Variants in VIPR2 observed in about 807,000 individuals in gnomAD.
VIPR2 encodes vasoactive intestinal peptide receptor 2.
VIPR2 carries 48 observed loss-of-function variants against 58.0 expected under a neutral mutation model. The ratio of observed to expected loss-of-function variants is 0.83; its 90% CI spans 0.66 to 1.05. The LOEUF (loss-of-function observed/expected upper bound fraction) is 1.05, where lower values mean the gene tolerates loss of function less well. VIPR2 is among the 50% of genes least tolerant of loss of function. The pLI is 0.00. For synonymous variants in VIPR2, 243 were observed against 235.2 expected, an observed-to-expected ratio of 1.03 and a Z score of -0.30; for missense variants, 534 against 558.0, an observed-to-expected ratio of 0.96 and a Z score of 0.43.
At chr7:159,144,525 C>G in intron 1 of VIPR2, 196 bp downstream of exon 1, 1 of 1,518,390 alleles carries the variant, frequency 6.6e-7, no homozygotes, top group Non-Finnish European at 8.9e-7. Flanking sequence ...TCCCGCAACC[C>G]GGCGGGACCG....
intron 6 of VIPR2, among the ~76,000 whole-genome samples, chr7:159,038,454 G>T (rs1237842553): frequency 6.6e-6 from 1 of 152,086 alleles, no homozygotes; most frequent in African/African-American, 2.4e-5. Flanking sequence ...TTCTGCCCTG[G>T]GCATCAGGAC....
chr7:159,072,141 A>G (rs188639127), intron 4 of VIPR2, among the ~76,000 whole-genome samples: 1 of 148,074 alleles, frequency 6.8e-6, no homozygotes, highest in East Asian at 2.0e-4. Flanking sequence ...ATACATCACT[A>G]GACTGGCAAC....
rs1853478680 is a variant in VIPR2 at position 159,030,560 on chromosome 7, C to G, written c.*56G>C. 2 of 1,472,764 alleles carry G rather than the reference C, an allele frequency of 1.4e-6. No individual in the cohort carries two copies. 91.2% of individuals were successfully genotyped at this position (1,472,764 alleles called of 1,614,324 possible). A position where few individuals can be genotyped will look rare whatever the true frequency, so the allele number is the denominator to read the frequency against. ...GGAAGGAGGAAGCCGGCGTCTCAGC[C>G]CCGCAGAAGCCCCGAACCGTGGGCC... On this transcript the variant is annotated 3_prime_UTR_variant, in exon 13 of 13. Transcript: ENST00000262178.
At chr7:159,129,140 G>GGGGGGGACAGGGCT (rs1419750432) in intron 2 of VIPR2, among the ~76,000 whole-genome samples, 7 of 103,058 alleles carry the variant, frequency 6.8e-5, no homozygotes, top group South Asian at 2.9e-4. Flanking sequence ...ACTGGCCTCT[G>GGGGGGGACAGGGCT]GGGGGGACAG....
At chr7:159,038,348 C>A (rs868743091) in intron 6 of VIPR2, among the ~76,000 whole-genome samples, 2 of 152,234 alleles carry the variant, frequency 1.3e-5, no homozygotes, top group African/African-American at 4.8e-5. Context: ...TGAGAGTTAC[C>A]CTTATTGTCC....
chr7:159,084,173 A>G (rs1443567072), intron 4 of VIPR2, among the ~76,000 whole-genome samples: 1 of 152,276 alleles, frequency 6.6e-6, no homozygotes, highest in Non-Finnish European at 1.5e-5. Context: ...TCCGGTCCTT[A>G]GTAAACAAGA....
In VIPR2 at chr7:159,063,236, G is replaced by T. The variant is rs931843895; in HGVS notation, c.358-4658C>A. 6.1e-5 allele frequency among the ~76,000 whole-genome samples: 9 copies of T among 146,398 alleles called. No homozygotes were observed. In the South Asian group the frequency reaches 1.2e-3, roughly 20 times the overall value. The stretch of plus-strand genomic sequence containing the variant: ...ACGGTGCAGGAGTCCACGGCGGGGT[G>T]GGGGGAGACTCGGGCATGGTGGGCT... On this transcript the variant is annotated intron_variant, in intron 4 of 12. Transcript: ENST00000262178.
intron 2 of VIPR2, among the ~76,000 whole-genome samples, chr7:159,110,132 A>G (rs750033045): frequency 2.0e-5 from 3 of 152,232 alleles, no homozygotes; most frequent in East Asian, 1.9e-4. Context: ...GAGTACTTCA[A>G]TGTATACCAT....
At chr7:159,087,774 A>G (rs932284232) in intron 4 of VIPR2, among the ~76,000 whole-genome samples, 6 of 131,054 alleles carry the variant, frequency 4.6e-5, no homozygotes, top group African/African-American at 9.4e-5. Flanking sequence ...TTCCCCAACA[A>G]ACAATACCCA....
intron 5 of VIPR2, among the ~76,000 whole-genome samples, chr7:159,054,136 C>T (rs768164549): frequency 3.3e-5 from 5 of 152,210 alleles, no homozygotes; most frequent in Non-Finnish European, 7.3e-5. Context: ...CCTGTACCCG[C>T]TCCCGGACAA....
chr7:159,060,669 A>T (rs1310770762), intron 4 of VIPR2, among the ~76,000 whole-genome samples: 1 of 150,430 alleles, frequency 6.6e-6, no homozygotes, highest in African/African-American at 2.5e-5. Flanking sequence ...ACCCATCTTC[A>T]CCTCACCTAA....
chr7:159,085,676 G>A (rs1857130658), intron 4 of VIPR2, among the ~76,000 whole-genome samples: 4 of 152,072 alleles, frequency 2.6e-5, no homozygotes, highest in African/African-American at 9.7e-5. Context: ...ACTGGAGGAA[G>A]TCTCCCACCA....
At chr7:159,109,041 C>A (rs928312371) in intron 3 of VIPR2, among the ~76,000 whole-genome samples, 1 of 152,186 alleles carries the variant, frequency 6.6e-6, no homozygotes, top group African/African-American at 2.4e-5. Context: ...AACACTACAG[C>A]ATTATTACTT....
rs428298 is a variant in VIPR2, at chr7:159,134,811, C to T, written c.151+7635G>A. Among the ~76,000 whole-genome samples the T allele has an allele frequency of 3.2e-3, 493 of 151,790 alleles. 2 individuals carry two copies. The highest frequency in any genetic ancestry group is 5.5e-3 in the Non-Finnish European group (371 of 67,920). Reference sequence around the variant, plus strand: ...TAGCTGGGACTAGAGGCGCCCGCCACCACGCCCGGCTAATTTTTTGTATAT... The same window carrying T: ...TAGCTGGGACTAGAGGCGCCCGCCATCACGCCCGGCTAATTTTTTGTATAT... On this transcript the variant is annotated intron_variant, in intron 2 of 12. Transcript: ENST00000262178.
chr7:159,082,017 G>A (rs957065329), intron 4 of VIPR2, among the ~76,000 whole-genome samples: 8 of 152,168 alleles, frequency 5.3e-5, no homozygotes, highest in African/African-American at 1.9e-4. Flanking sequence ...ACTGTTGGTG[G>A]GACTGTAAAC....
Position 159,103,748 on chromosome 7 carries a change from G to A in VIPR2, c.357+9C>T, listed in dbSNP as rs1858444471. 1 of 1,612,454 alleles carries A rather than the reference G, an allele frequency of 6.2e-7. No homozygotes were observed. The highest frequency in any genetic ancestry group is 1.3e-5 in the African/African-American group (1 of 74,888). On this transcript the variant is annotated intron_variant, in intron 4 of 12. Coordinates refer to ENST00000262178, the MANE Select transcript of VIPR2 (RefSeq NM_003382.5). ...AACCTCACCACCGTAGCACCACGCAGGAGCCTACCTTGCTCTCATCCTCCG... is the reference window on the plus strand; with the variant it reads ...AACCTCACCACCGTAGCACCACGCAAGAGCCTACCTTGCTCTCATCCTCCG...
chr7:159,109,178 C>T (rs1795890763), intron 3 of VIPR2, among the ~76,000 whole-genome samples: 1 of 152,218 alleles, frequency 6.6e-6, no homozygotes, highest in South Asian at 2.1e-4. Context: ...GATTTCTTCA[C>T]ACTATGAAAA....
Position 159,097,698 on chromosome 7 carries a change from A to T in VIPR2, c.357+6059T>A, listed in dbSNP as rs1480444053. Among the ~76,000 whole-genome samples, 1 of 152,234 alleles carries T rather than the reference A, an allele frequency of 6.6e-6. No individual in the cohort carries two copies. Among genetic ancestry groups the T allele is most frequent in the Non-Finnish European group, 1.5e-5 (1 of 68,048 alleles). ...GTATGCTTTTCAGTGCCTTGTTTCA[A>T]GAAACAGGCTTGAAGAGGCACCTTT... On this transcript the variant is annotated intron_variant, in intron 4 of 12. Coordinates refer to ENST00000262178, the MANE Select transcript of VIPR2 (RefSeq NM_003382.5). The surrounding 1 kb of genome is among the most constrained non-coding windows in gnomAD (Gnocchi z 5.3).
chr7:159,031,702 G>T lies in VIPR2; in HGVS notation c.1143+126C>A. ...TCTCTGATGGGGACACAGAACTGTG[G>T]GGTCCCGGGCAGTAACTCGAGCCCG... On this transcript the variant is annotated intron_variant, in intron 12 of 12. Transcript: ENST00000262178. The surrounding 1 kb of genome is among the most constrained non-coding windows in gnomAD (Gnocchi z 4.0). The T allele has an allele frequency of 2.6e-6, 4 of 1,552,038 alleles. No individual in the cohort carries two copies. Among genetic ancestry groups the T allele is most frequent in the Non-Finnish European group, 2.6e-6 (3 of 1,154,944 alleles).
Sources: allele counts gnomAD v4.1 joint callset (sites outside exome capture counted in the v4.1 genomes callset), GRCh38; gene constraint gnomAD v4.1.1; non-coding constraint Gnocchi (gnomAD v3.1); transcripts MANE v1.5; gene names NCBI Gene and HGNC (gene_info 2026-07-23, HGNC 2026-07-21).